Variants in PIGX observed in about 807,000 individuals in gnomAD.
PIGX encodes phosphatidylinositol glycan anchor biosynthesis class X.
A neutral mutation model predicts 28.7 loss-of-function variants in PIGX; 24 were observed. That is an observed-to-expected ratio of 0.84 (90% CI 0.60 to 1.17). The LOEUF is 1.17. PIGX is among the 50% of genes most tolerant of loss of function. The probability of loss-of-function intolerance (pLI) is 0.00; values close to 1 mark genes in which losing one functional copy is unlikely to be tolerated. For missense variants in PIGX, 305 were observed against 317.8 expected (o/e 0.96, Z 0.31); for synonymous variants, 127 against 121.0 (o/e 1.05, Z -0.33).
At chr3:196,730,849 T>C (rs1712722561) in intron 4 of PIGX, 143 bp from the exon 5 acceptor site, 2 of 328,268 alleles carry the variant, frequency 6.1e-6, no homozygotes, top group African/African-American at 4.4e-5. Context: ...GATGCTAAAA[T>C]AACAGAATGT....
chr3:196,719,119 C>T (rs1166019815), intron 2 of PIGX, among the ~76,000 whole-genome samples: 1 of 152,000 alleles, frequency 6.6e-6, no homozygotes, highest in Non-Finnish European at 1.5e-5. Context: ...AATCCCAAGA[C>T]CTTGTGAAAG....
intron 4 of PIGX, among the ~76,000 whole-genome samples, chr3:196,729,644 C>CAGCA (rs1712667910): frequency 1.3e-5 from 2 of 151,298 alleles, no homozygotes; most frequent in Non-Finnish European, 2.9e-5. Context: ...GCCTCGGCCT[C>CAGCA]CCAAAGTGCT....
chr3:196,716,932 T>G lies in PIGX; in HGVS notation c.176+11T>G, dbSNP rs1906044. The G allele has an allele frequency of 2.6e-6, 4 of 1,513,678 alleles. No homozygotes were observed. The South Asian group carries it at 4.5e-5, about 17-fold the overall frequency. The allele number at this position is 1,513,678 out of a possible 1,614,324, so 93.8% of individuals were successfully genotyped here. ...AGATGGTTTCCACAGGTAAGTTGCC[T>G]GTTGATTTCTATTTCTATTAAAATA... On this transcript the variant is annotated intron_variant, in intron 2 of 5. Transcript: ENST00000392391.
At position 196,728,131 on chromosome 3, in the gene PIGX, A is replaced by G; in HGVS notation, c.527A>G (p.Asp176Gly). The G allele has an allele frequency of 6.2e-7, 1 of 1,613,344 alleles. No homozygotes were observed. The highest frequency in any genetic ancestry group is 8.5e-7 in the Non-Finnish European group (1 of 1,179,314). The change falls in exon 4 of 6, where the codon GAC becomes GGC. Residue 176 changes from aspartate (D) to glycine (G), a missense_variant. By Grantham distance (94) the Asp-to-Gly change is moderately conservative. Coordinates refer to ENST00000392391, the MANE Select transcript of PIGX (RefSeq NM_017861.4). ...AACCCAGATTTGTTGATGTTTTGTG[A>G]CCAAGGTGAGGGCTGCAAGTGTTTT...
rs187564260 is a variant in PIGX, at chr3:196,731,421, G to A, written c.633+329G>A. Among the ~76,000 whole-genome samples, 190 of 152,238 alleles carry A rather than the reference G, an allele frequency of 1.2e-3. 1 individual carries two copies. Among genetic ancestry groups the A allele is most frequent in the Non-Finnish European group, 2.2e-3 (151 of 68,010 alleles). On this transcript the variant is annotated intron_variant, in intron 5 of 5. Transcript: ENST00000392391. ...TCAAACTCCTGACTTTAGGTGATCC[G>A]CCTATCTTGGCCTCCCAGAGTGCTG... is the stretch of plus-strand genomic sequence containing the variant.
intron 2 of PIGX, among the ~76,000 whole-genome samples, chr3:196,720,620 T>C (rs1333369140): frequency 6.6e-6 from 1 of 152,220 alleles, no homozygotes; most frequent in East Asian, 1.9e-4. Flanking sequence ...TTTTCTGTAG[T>C]GGCCACATCA....
intron 2 of PIGX, 85 bp from the exon 3 acceptor site, chr3:196,722,330 G>C: frequency 1.0e-6 from 1 of 973,180 alleles, no homozygotes. Context: ...GAAATACAGT[G>C]TTTTCACTAA....
intron 1 of PIGX, among the ~76,000 whole-genome samples, chr3:196,715,685 GGTTT>G (rs987811558): frequency 2.0e-5 from 3 of 152,210 alleles, no homozygotes; most frequent in South Asian, 2.1e-4. Flanking sequence ...ATGTGTTTGG[GGTTT>G]GTTTGTTTGT....
Position 196,734,744 on chromosome 3 carries a change from T to C in PIGX, c.*842T>C, listed in dbSNP as rs925434901. 1 of 152,202 alleles carries C rather than the reference T, an allele frequency of 6.6e-6. No homozygotes were observed. The highest frequency in any genetic ancestry group is 2.4e-5 in the African/African-American group (1 of 41,446). 9.4% of individuals were successfully genotyped at this position (152,202 alleles called of 1,614,324 possible). ...ATAATCTTAAATTATTGATTATTCC[T>C]TAACGCACTCCATTCTCCTTTTACA... On this transcript the variant is annotated 3_prime_UTR_variant, in exon 6 of 6. Coordinates refer to ENST00000392391, the MANE Select transcript of PIGX (RefSeq NM_017861.4).
Position 196,712,538 on chromosome 3 carries a change from G to C in PIGX, c.6G>C (p.Ala2=). The C allele has an allele frequency of 1.7e-6, 2 of 1,170,722 alleles. No homozygotes were observed. Among genetic ancestry groups the C allele is most frequent in the Non-Finnish European group, 2.1e-6 (2 of 948,458 alleles). 72.5% of individuals were successfully genotyped at this position (1,170,722 alleles called of 1,614,324 possible). A position where few individuals can be genotyped will look rare whatever the true frequency, so the allele number is the denominator to read the frequency against. Reference sequence around the variant, plus strand: ...GGCGTCCGGCTTCCGGCGTCCTGGCGGCTCGGGTGGCGGCGGTTCGGGCGG... The same window carrying C: ...GGCGTCCGGCTTCCGGCGTCCTGGCCGCTCGGGTGGCGGCGGTTCGGGCGG... Residue 2 remains alanine (A), a synonymous_variant, in exon 1 of 6, where the codon GCG becomes GCC. Transcript: ENST00000392391.
intron 2 of PIGX, among the ~76,000 whole-genome samples, chr3:196,722,167 A>T (rs1046644297): frequency 6.6e-6 from 1 of 152,168 alleles, no homozygotes; most frequent in Non-Finnish European, 1.5e-5. Context: ...TGTGAATGTT[A>T]TTGGATTCCA....
At chr3:196,724,794 G>A (rs984671789) in intron 3 of PIGX, among the ~76,000 whole-genome samples, 6 of 152,114 alleles carry the variant, frequency 3.9e-5, no homozygotes, top group South Asian at 2.1e-4. Context: ...CCAATTCCTC[G>A]TACAGAGAAA....
chr3:196,715,103 T>G (rs892369720), intron 1 of PIGX, among the ~76,000 whole-genome samples: 1 of 151,846 alleles, frequency 6.6e-6, no homozygotes, highest in African/African-American at 2.4e-5. Flanking sequence ...TAAATAAAAA[T>G]AAAAAAAGAA....
chr3:196,718,180 G>A (rs1224304561), intron 2 of PIGX, among the ~76,000 whole-genome samples: 1 of 151,908 alleles, frequency 6.6e-6, no homozygotes, highest in Admixed American at 6.6e-5. Flanking sequence ...CGTGGTGGTG[G>A]GCGCCTGTAA....
At chr3:196,723,270 G>A (rs1712396285) in intron 3 of PIGX, among the ~76,000 whole-genome samples, 1 of 152,250 alleles carries the variant, frequency 6.6e-6, no homozygotes, top group African/African-American at 2.4e-5. Flanking sequence ...GAACCTGGGA[G>A]GCGGAGGTTG....
chr3:196,731,118 T>C, intron 5 of PIGX, 26 bp downstream of exon 5: 1 of 1,209,940 alleles, frequency 8.3e-7, no homozygotes, highest in South Asian at 1.2e-5. Context: ...ATGTTGTTTT[T>C]TAGATCATGT....
In PIGX at chr3:196,722,461, C is replaced by G. The variant is rs369166918; in HGVS notation, c.223C>G (p.His75Asp). 3.5e-5 allele frequency: 57 copies of G among 1,611,838 alleles called. No homozygotes were observed. Among genetic ancestry groups the G allele is most frequent in the Non-Finnish European group, 4.4e-5 (52 of 1,177,938 alleles). Residue 75 changes from histidine to aspartate, a missense_variant, in exon 3 of 6, where the codon CAC (histidine) becomes GAC (aspartate). By Grantham distance (81) the His-to-Asp change is moderately conservative. Transcript: ENST00000392391. ...GTTTGGGGAAAGCATTGAGGACTTGCACACCTGCCGTCTCTTAATTAAACA... is the reference window on the plus strand; with the variant it reads ...GTTTGGGGAAAGCATTGAGGACTTGGACACCTGCCGTCTCTTAATTAAACA...
At chr3:196,731,787 G>C (rs1712766346) in intron 5 of PIGX, among the ~76,000 whole-genome samples, 1 of 152,030 alleles carries the variant, frequency 6.6e-6, no homozygotes, top group South Asian at 2.1e-4. Context: ...AAGATAAGTA[G>C]TGACCCTTTT....
chr3:196,713,623 A>G (rs557998488), intron 1 of PIGX, among the ~76,000 whole-genome samples: 1 of 152,212 alleles, frequency 6.6e-6, no homozygotes, highest in African/African-American at 2.4e-5. Context: ...ATTTTTAAAC[A>G]GTTGGATTTG....
Sources: gnomAD v4.1 joint callset for allele counts (sites outside exome capture counted in the v4.1 genomes callset) on GRCh38, gnomAD v4.1.1 for gene constraint, MANE v1.5 for transcripts, NCBI Gene and HGNC (gene_info 2026-07-23, HGNC 2026-07-21) for gene names.